Variants in DPF3 observed in about 807,000 individuals in gnomAD.
The protein encoded by DPF3 is double PHD fingers 3.
In DPF3, 18 loss-of-function variants were observed where a neutral mutation model predicts 56.8. That is an observed-to-expected ratio of 0.32 (90% CI 0.22 to 0.47). The LOEUF (loss-of-function observed/expected upper bound fraction) is 0.47, where lower values mean the gene tolerates loss of function less well. DPF3 is among the 20% of genes least tolerant of loss of function. The pLI, the probability that DPF3 is intolerant of heterozygous loss-of-function variation, is 1.00. For synonymous variants in DPF3, 188 were observed against 180.2 expected (o/e 1.04, Z -0.35); for missense variants, 403 against 488.8 (o/e 0.82, Z 1.65).
At chr14:72,837,463 C>T (rs967439966) in intron 1 of DPF3, among the ~76,000 whole-genome samples, 7 of 151,938 alleles carry the variant, frequency 4.6e-5, no homozygotes, top group Admixed American at 6.6e-5. Flanking sequence ...CATGGCCAGG[C>T]GTGGTGGCTC....
At chr14:72,742,536 A>G in intron 3 of DPF3, 1 of 152,312 alleles carries the variant, frequency 6.6e-6, no homozygotes, top group Non-Finnish European at 1.5e-5. Context: ...GCAGAGGGGG[A>G]AGGCTGGGGG....
intron 6 of DPF3, among the ~76,000 whole-genome samples, chr14:72,708,759 C>T (rs769154269): frequency 6.6e-6 from 1 of 152,186 alleles, no homozygotes; most frequent in African/African-American, 2.4e-5. Flanking sequence ...CCCATCCCAT[C>T]GCACCTCTTG....
chr14:72,877,378 C>A (rs985073051), intron 1 of DPF3, among the ~76,000 whole-genome samples: 1 of 152,030 alleles, frequency 6.6e-6, no homozygotes, highest in African/African-American at 2.4e-5. Flanking sequence ...GAGGCACACA[C>A]CCAGGACAAT....
chr14:72,714,254 G>A (rs776566843), intron 6 of DPF3, among the ~76,000 whole-genome samples, 169 bp downstream of exon 6: 6 of 152,322 alleles, frequency 3.9e-5, no homozygotes, highest in Middle Eastern at 6.8e-3. Flanking sequence ...GAGGCCCAAG[G>A]AAGTGGTGAC....
At chr14:72,884,895 G>C (rs1184245625) in intron 1 of DPF3, among the ~76,000 whole-genome samples, 3 of 130,774 alleles carry the variant, frequency 2.3e-5, no homozygotes, top group Non-Finnish European at 4.9e-5. Flanking sequence ...AGGAGATCGA[G>C]ACCGTCCTGG....
chr14:72,783,339 C>A (rs1216158878), intron 1 of DPF3, among the ~76,000 whole-genome samples: 1 of 152,186 alleles, frequency 6.6e-6, no homozygotes, highest in African/African-American at 2.4e-5. Flanking sequence ...AGATTCCCAG[C>A]CCCCAACGCA....
At chr14:72,765,231 A>G (rs1891226071) in intron 2 of DPF3, among the ~76,000 whole-genome samples, 1 of 152,220 alleles carries the variant, frequency 6.6e-6, no homozygotes, top group South Asian at 2.1e-4. Context: ...GGCTAAAAAA[A>G]TTTTCAAACT....
At chr14:72,730,726 T>C (rs1889606142) in intron 4 of DPF3, among the ~76,000 whole-genome samples, 1 of 151,712 alleles carries the variant, frequency 6.6e-6, no homozygotes, top group South Asian at 2.1e-4. Flanking sequence ...ATATGTAATA[T>C]AAATTTAATA....
At position 72,723,661 on chromosome 14, in the gene DPF3, G is replaced by T; in HGVS notation, c.497C>A (p.Pro166His). 6.3e-7 allele frequency: 1 copy of T among 1,589,710 alleles called. No individual in the cohort carries two copies. Among genetic ancestry groups the T allele is most frequent in the Non-Finnish European group, 8.5e-7 (1 of 1,172,296 alleles). The change falls in exon 5 of 11, where the codon CCC (proline) becomes CAC (histidine). Residue 166 changes from proline (P) to histidine (H), a missense_variant. Coordinates refer to ENST00000556509, the MANE Select transcript of DPF3 (RefSeq NM_001280542.3). ...NEEEDLEEDI[P>H]KRKNRTRGRA... ...TCCTCTAGTCCTGTTCTTTCGCTTG[G>T]GAATATCCTCTTCCAAATCCTCTTC...
At chr14:72,686,634 C>G (rs542827068) in intron 7 of DPF3, among the ~76,000 whole-genome samples, 69 of 152,308 alleles carry the variant, frequency 4.5e-4, no homozygotes, top group Non-Finnish European at 7.5e-4. Flanking sequence ...TCTATGGATT[C>G]TTTGCTATAT....
chr14:72,668,204 G>A (rs1181950919), intron 8 of DPF3, among the ~76,000 whole-genome samples: 2 of 152,138 alleles, frequency 1.3e-5, no homozygotes, highest in African/African-American at 2.4e-5. Flanking sequence ...CTTCTCTCTC[G>A]GAGCTTCCTT....
In DPF3 at chr14:72,612,419, G is replaced by T. The variant is rs1405014490; in HGVS notation, c.*6878C>A. 1 of 515,358 alleles carries T rather than the reference G, an allele frequency of 1.9e-6. No homozygotes were observed. Among genetic ancestry groups the T allele is most frequent in the East Asian group, 5.5e-5 (1 of 18,274 alleles). The allele number at this position is 515,358 out of a possible 1,614,324, so 31.9% of individuals were successfully genotyped here. ...CATGCTCTTGCTCACATATCAGGCA[G>T]TGTTTCTGTCCTTTTTTTTTTTCTA... On this transcript the variant is annotated 3_prime_UTR_variant, in exon 11 of 11. Transcript: ENST00000556509.
At position 72,888,389 on chromosome 14, in the gene DPF3, T is replaced by C. The variant is rs1054961790; in HGVS notation, c.32+5668A>G. ...CCTTCCCTCAGTGACAGTTTTACGA[T>C]GCTAGCTCCATTCATCCATATGGTT... On this transcript the variant is annotated intron_variant, in intron 1 of 10. Coordinates refer to ENST00000556509, the MANE Select transcript of DPF3 (RefSeq NM_001280542.3). Among the ~76,000 whole-genome samples the C allele has an allele frequency of 7.9e-5, 12 of 152,332 alleles. No homozygotes were observed. In the East Asian group the frequency reaches 2.3e-3, roughly 29 times the overall value.
chr14:72,880,470 G>A (rs1886284118), intron 1 of DPF3, among the ~76,000 whole-genome samples: 2 of 152,244 alleles, frequency 1.3e-5, no homozygotes, highest in Admixed American at 1.3e-4. Context: ...CCCCTCATAA[G>A]TCTATTTGTC....
At chr14:72,891,228 A>C (rs1335527391) in intron 1 of DPF3, among the ~76,000 whole-genome samples, 1 of 151,908 alleles carries the variant, frequency 6.6e-6, no homozygotes, top group Non-Finnish European at 1.5e-5. Context: ...TTTCTTCCCA[A>C]CACATTAACT....
chr14:72,831,315 C>T (rs1016976177), intron 1 of DPF3, among the ~76,000 whole-genome samples: 3 of 151,962 alleles, frequency 2.0e-5, no homozygotes, highest in South Asian at 2.1e-4. Flanking sequence ...ACCACCTCCC[C>T]GCCTTGGCAG....
At chr14:72,735,782 A>T (rs1010931907) in intron 3 of DPF3, among the ~76,000 whole-genome samples, 2 of 152,180 alleles carry the variant, frequency 1.3e-5, no homozygotes, top group African/African-American at 2.4e-5. Flanking sequence ...CCATTTCCAT[A>T]TGTGGTAAAT....
At chr14:72,702,184 C>T (rs565310192) in intron 6 of DPF3, among the ~76,000 whole-genome samples, 2 of 152,122 alleles carry the variant, frequency 1.3e-5, no homozygotes, top group East Asian at 1.9e-4. Flanking sequence ...CCCCACCCAC[C>T]CCAACGGCCT....
At position 72,838,756 on chromosome 14, in the gene DPF3, C is replaced by CAA. The variant is rs71109752; in HGVS notation, c.32+55299_32+55300dup. On this transcript the variant is annotated intron_variant, in intron 1 of 10. Transcript: ENST00000556509. The stretch of plus-strand genomic sequence containing the variant: ...TGGATGACAGAACGAGACTCCGTCT[C>CAA]AAAAAAAAAAAAGGCAATTACTGTT... Among the ~76,000 whole-genome samples the CAA allele has an allele frequency of 4.5e-3, 659 of 145,554 alleles. 6 individuals carry two copies. The highest frequency in any genetic ancestry group is 0.015 in the African/African-American group (580 of 39,560).
Sources: allele counts gnomAD v4.1 joint callset (sites outside exome capture counted in the v4.1 genomes callset), GRCh38; gene constraint gnomAD v4.1.1; transcripts MANE v1.5; gene names NCBI Gene and HGNC (gene_info 2026-07-23, HGNC 2026-07-21).